The following KCNU1 variants were observed in gnomAD, a reference collection of about 807,000 sequenced individuals.
KCNU1 encodes potassium calcium-activated channel subfamily U member 1, also known as potassium channel subfamily U member 1.
A neutral mutation model predicts 126.8 loss-of-function variants in KCNU1; 93 were observed. The ratio of observed to expected loss-of-function variants is 0.73; its 90% CI spans 0.62 to 0.87. The LOEUF (loss-of-function observed/expected upper bound fraction) is 0.87, where lower values mean the gene tolerates loss of function less well. Ranked by LOEUF, KCNU1 falls within the 40% of genes least tolerant of loss-of-function variation. KCNU1 has a pLI of 0.00. For missense variants in KCNU1, 1,330 were observed against 1,367.1 expected, an observed-to-expected ratio of 0.97 and a Z score of 0.43; for synonymous variants, 523 against 494.2, an observed-to-expected ratio of 1.06 and a Z score of -0.77.
At chr8:36,824,326 G>A (rs1274220254) in intron 10 of KCNU1, among the ~76,000 whole-genome samples, 1 of 152,122 alleles carries the variant, frequency 6.6e-6, no homozygotes, top group East Asian at 1.9e-4. Context: ...AGTGAGTACA[G>A]TACAATATGG....
chr8:36,865,167 T>G (rs1428691802), intron 19 of KCNU1, among the ~76,000 whole-genome samples: 1 of 152,190 alleles, frequency 6.6e-6, no homozygotes, highest in African/African-American at 2.4e-5. Flanking sequence ...GGTAAATATA[T>G]TATCAAAGAG....
intron 22 of KCNU1, among the ~76,000 whole-genome samples, chr8:36,913,751 G>T (rs907309859): frequency 6.6e-6 from 1 of 151,902 alleles, no homozygotes; most frequent in South Asian, 2.1e-4. Context: ...ACAGGCACCC[G>T]CCACCATGCC....
intron 18 of KCNU1, among the ~76,000 whole-genome samples, chr8:36,860,947 T>C (rs532651279): frequency 4.0e-5 from 6 of 151,686 alleles, no homozygotes; most frequent in Non-Finnish European, 8.8e-5. Flanking sequence ...AGACTATTAA[T>C]TGACCTTTTT....
rs569504682 is a variant in KCNU1, at chr8:36,901,429, G to A, written c.2010-4279G>A. On this transcript the variant is annotated intron_variant, in intron 19 of 26. Transcript: ENST00000399881. Reference sequence around the variant, plus strand: ...AATAGAAGTTCTATTCAGAATGGTCGCAGAAAACAGAGCTGCCTTTCCCTG... The same window carrying A: ...AATAGAAGTTCTATTCAGAATGGTCACAGAAAACAGAGCTGCCTTTCCCTG... 1.2e-4 allele frequency among the ~76,000 whole-genome samples: 18 copies of A among 152,214 alleles called. No individual in the cohort carries two copies. The East Asian group carries it at 2.7e-3, about 23-fold the overall frequency.
chr8:36,883,723 C>T (rs550214217), intron 19 of KCNU1, among the ~76,000 whole-genome samples: 1 of 152,132 alleles, frequency 6.6e-6, no homozygotes, highest in East Asian at 1.9e-4. Flanking sequence ...CCCAGGAGGT[C>T]GAGGCTGCAG....
At chr8:36,784,678 A>C (rs920504939) in intron 1 of KCNU1, 73 bp downstream of exon 1, 5 of 1,140,310 alleles carry the variant, frequency 4.4e-6, no homozygotes, top group African/African-American at 1.6e-5. Flanking sequence ...GTTTAGTAAA[A>C]GATCTAAGCT....
At chr8:36,811,055 AC>A (rs1771916986) in intron 7 of KCNU1, among the ~76,000 whole-genome samples, 1 of 152,162 alleles carries the variant, frequency 6.6e-6, no homozygotes, top group Non-Finnish European at 1.5e-5. Flanking sequence ...GCAAAATGTA[AC>A]AAATTTGACA....
At position 36,817,713 on chromosome 8, in the gene KCNU1, C is replaced by T. The variant is rs1349749445; in HGVS notation, c.1059C>T (p.Leu353=). ...TGACCGCTTTCCTGAGGAATTTCCT[C>T]CGCGACAAGTCAGGAGAGATCAACA... ...DSVTAFLRNF[L]RDKSGEINTE... is the part of the protein sequence containing the mutation. Residue 353 remains leucine (L), a synonymous_variant, in exon 10 of 27, where the codon CTC becomes CTT. Transcript: ENST00000399881. The T allele has an allele frequency of 6.2e-7, 1 of 1,609,416 alleles. No homozygotes were observed. The highest frequency in any genetic ancestry group is 1.7e-5 in the Admixed American group (1 of 59,708).
chr8:36,831,417 C>T (rs1386989786), intron 10 of KCNU1, among the ~76,000 whole-genome samples: 1 of 151,934 alleles, frequency 6.6e-6, no homozygotes, highest in Non-Finnish European at 1.5e-5. Flanking sequence ...CTCTCCAGCA[C>T]CTGTTGTTTC....
In KCNU1 at chr8:36,833,673, G is replaced by C; in HGVS notation, c.1212+14G>C. On this transcript the variant is annotated intron_variant, in intron 11 of 26. Coordinates refer to ENST00000399881, the MANE Select transcript of KCNU1 (RefSeq NM_001031836.3). Reference sequence around the variant, plus strand: ...AGGCGAGTTGCGGTAAGATCTAGCTGTTTTTGTTCCTTGTAGTTTTCCTTA... The same window carrying C: ...AGGCGAGTTGCGGTAAGATCTAGCTCTTTTTGTTCCTTGTAGTTTTCCTTA... 2 of 1,506,128 alleles carry C rather than the reference G, an allele frequency of 1.3e-6. No homozygotes were observed. The highest frequency in any genetic ancestry group is 1.8e-6 in the Non-Finnish European group (2 of 1,082,922). 93.3% of individuals were successfully genotyped at this position (1,506,128 alleles called of 1,614,324 possible). A position where few individuals can be genotyped will look rare whatever the true frequency, so the allele number is the denominator to read the frequency against.
Position 36,784,489 on chromosome 8 carries a change from T to C in KCNU1, c.79T>C (p.Phe27Leu). 1 of 1,613,948 alleles carries C rather than the reference T, an allele frequency of 6.2e-7. No homozygotes were observed. The highest frequency in any genetic ancestry group is 8.5e-7 in the Non-Finnish European group (1 of 1,179,828). ...CTGCACAACTGAGATCCAAGCAGCA[T>C]TCATTCTCTCTTCCTTTGTGACCTT... is the stretch of plus-strand genomic sequence containing the variant. ...MSCTTEIQAA[F>L]ILSSFVTFFS... is the part of the protein sequence containing the mutation. Residue 27 changes from phenylalanine (F) to leucine (L), a missense_variant, in exon 1 of 27, where the codon TTC becomes CTC. By Grantham distance (22) the Phe-to-Leu change is conservative. This residue lies in a region of KCNU1 where 247 missense variants were observed against 255.4 expected (regional missense o/e 0.97). Coordinates refer to ENST00000399881, the MANE Select transcript of KCNU1 (RefSeq NM_001031836.3).
chr8:36,917,658 C>G (rs752259023), intron 22 of KCNU1, among the ~76,000 whole-genome samples: 5 of 152,064 alleles, frequency 3.3e-5, no homozygotes, highest in Non-Finnish European at 7.4e-5. Context: ...ACCCAACCTT[C>G]TATTCCATTT....
intron 19 of KCNU1, among the ~76,000 whole-genome samples, chr8:36,875,436 C>T (rs1351313102): frequency 1.3e-5 from 2 of 148,754 alleles, no homozygotes; most frequent in African/African-American, 2.5e-5. Flanking sequence ...AACATATATA[C>T]ATTACAGAGA....
At chr8:36,902,599 G>A (rs1175917093) in intron 19 of KCNU1, among the ~76,000 whole-genome samples, 1 of 152,058 alleles carries the variant, frequency 6.6e-6, no homozygotes, top group Non-Finnish European at 1.5e-5. Flanking sequence ...TACCAACTTG[G>A]TCATGATATG....
rs182812661 is a variant in KCNU1 at position 36,901,572 on chromosome 8, T to G, written c.2010-4136T>G. On this transcript the variant is annotated intron_variant, in intron 19 of 26. Coordinates refer to ENST00000399881, the MANE Select transcript of KCNU1 (RefSeq NM_001031836.3). ...AAAGCAGTCATCAGAAAGGAATGCT[T>G]ATTTGCGTGCTGCTCTACACAGCCA... Among the ~76,000 whole-genome samples, 240 of 152,024 alleles carry G rather than the reference T, an allele frequency of 1.6e-3. 1 individual carries two copies. The highest frequency in any genetic ancestry group is 5.1e-3 in the African/African-American group (213 of 41,462).
rs1427294598 is a variant in KCNU1 at position 36,837,068 on chromosome 8, T to C, written c.1518+123T>C. On this transcript the variant is annotated intron_variant, in intron 14 of 26. Transcript: ENST00000399881. ...CCAAGCAATGAGATATGACTTCTGC[T>C]TGAGCTGGGAAGGGATTAGAAGATC... 5 of 869,792 alleles carry C rather than the reference T, an allele frequency of 5.7e-6. No homozygotes were observed. In the East Asian group the frequency reaches 1.2e-4, roughly 21 times the overall value. 53.9% of individuals were successfully genotyped at this position (869,792 alleles called of 1,614,324 possible). A position where few individuals can be genotyped will look rare whatever the true frequency, so the allele number is the denominator to read the frequency against.
At chr8:36,889,003 TC>T (rs1806840207) in intron 19 of KCNU1, 1 of 414,180 alleles carries the variant, frequency 2.4e-6, no homozygotes, top group African/African-American at 2.1e-5. Context: ...CTCAGTCTCT[TC>T]AGTAGCTGAG....
At chr8:36,881,835 C>T (rs1015277893) in intron 19 of KCNU1, among the ~76,000 whole-genome samples, 2 of 144,664 alleles carry the variant, frequency 1.4e-5, no homozygotes, top group Non-Finnish European at 3.1e-5. Context: ...CACACACACA[C>T]ACACACACAT....
chr8:36,902,848 G>A (rs1243031963), intron 19 of KCNU1, among the ~76,000 whole-genome samples: 1 of 152,070 alleles, frequency 6.6e-6, no homozygotes, highest in Non-Finnish European at 1.5e-5. Flanking sequence ...GGAACTTGGT[G>A]TTGGAGCACA....
Sources: gnomAD v4.1 joint callset for allele counts (sites outside exome capture counted in the v4.1 genomes callset) on GRCh38, gnomAD v4.1.1 for gene constraint, gnomAD v4.1.1 regional missense constraint, MANE v1.5 for transcripts, NCBI Gene and HGNC (gene_info 2026-07-23, HGNC 2026-07-21) for gene names.